The following RABGAP1 variants were observed in gnomAD, a reference collection of about 807,000 sequenced individuals.
RABGAP1 encodes the protein RAB GTPase activating protein 1, also known as rab GTPase-activating protein 1.
RABGAP1 carries 23 observed loss-of-function variants against 137.6 expected under a neutral mutation model. The observed-to-expected ratio is 0.17, with a 90% confidence interval of 0.12 to 0.24. The LOEUF (loss-of-function observed/expected upper bound fraction) is 0.24, where lower values mean the gene tolerates loss of function less well. RABGAP1 is among the 10% of genes least tolerant of loss of function. RABGAP1 has a pLI of 1.00. For synonymous variants in RABGAP1, 451 were observed against 450.7 expected (o/e 1.00, Z -0.01); for missense variants, 906 against 1,275.8 (o/e 0.71, Z 4.42).
upstream of RABGAP1, among the ~76,000 whole-genome samples, chr9:122,936,605 G>A (rs1833390933): frequency 6.6e-6 from 1 of 152,190 alleles, no homozygotes; most frequent in Non-Finnish European, 1.5e-5. Flanking sequence ...GGCTGGGTGG[G>A]CGATACGAAC....
chr9:122,935,188 A>C, the RABGAP1 span, among the ~76,000 whole-genome samples: 1 of 152,128 alleles, frequency 6.6e-6, no homozygotes, highest in Admixed American at 6.5e-5. Context: ...TACCATAGGT[A>C]TTACACTCAA....
chr9:122,962,417 A>G (rs1447097875), intron 2 of RABGAP1, among the ~76,000 whole-genome samples: 1 of 151,936 alleles, frequency 6.6e-6, no homozygotes, highest in Non-Finnish European at 1.5e-5. Context: ...GTGACTTGGG[A>G]GGCTGAGGTG....
At chr9:123,081,397 T>G (rs1218733102) in intron 19 of RABGAP1, among the ~76,000 whole-genome samples, 1 of 152,158 alleles carries the variant, frequency 6.6e-6, no homozygotes, top group Non-Finnish European at 1.5e-5. Flanking sequence ...TTGCCTCACA[T>G]GCCAGTCTAG....
intron 13 of RABGAP1, 112 bp downstream of exon 13, chr9:123,020,571 A>G: frequency 1.8e-6 from 2 of 1,103,750 alleles, no homozygotes; most frequent in Non-Finnish European, 2.4e-6. Context: ...TTATTTAAGA[A>G]TAGAACTGTT....
intron 4 of RABGAP1, among the ~76,000 whole-genome samples, chr9:122,988,394 G>A (rs928227255): frequency 2.6e-5 from 4 of 152,098 alleles, no homozygotes; most frequent in Non-Finnish European, 5.9e-5. Flanking sequence ...TCAGAGTCTG[G>A]AATGTTGTAG....
intron 6 of RABGAP1, among the ~76,000 whole-genome samples, chr9:122,993,725 G>A (rs867574764): frequency 6.6e-5 from 10 of 152,148 alleles, no homozygotes; most frequent in Non-Finnish European, 1.0e-4. Flanking sequence ...GTACAGTGGC[G>A]CAGTCTCGGC....
In RABGAP1 at chr9:123,010,374, G is replaced by C. The variant is rs933826836; in HGVS notation, c.1395G>C (p.Lys465Asn). Residue 465 changes from lysine to asparagine, a missense_variant, in exon 11 of 26, where the codon AAG (lysine) becomes AAC (asparagine). This residue lies in a region of RABGAP1 where 212 missense variants were observed against 289.4 expected (regional missense o/e 0.73). Coordinates refer to ENST00000373647, the MANE Select transcript of RABGAP1 (RefSeq NM_012197.4). The stretch of plus-strand genomic sequence containing the variant: ...TCAAGATAAAGCAAAGGGAGAGAAA[G>C]AATAATACTGACACTTTATATGAAG... ...KLKQIKQRER[K>N]NNTDTLYEVV... 1 of 1,612,612 alleles carries C rather than the reference G, an allele frequency of 6.2e-7. No homozygotes were observed. Among genetic ancestry groups the C allele is most frequent in the Non-Finnish European group, 8.5e-7 (1 of 1,178,906 alleles).
chr9:122,997,177 G>C, intron 8 of RABGAP1, 82 bp from the exon 9 acceptor site: 2 of 1,012,992 alleles, frequency 2.0e-6, no homozygotes, highest in Non-Finnish European at 1.5e-6. Context: ...TGCAGCTTCT[G>C]GTTTTTAAAG....
chr9:123,018,086 C>A (rs1243821508), intron 12 of RABGAP1, among the ~76,000 whole-genome samples: 1 of 152,138 alleles, frequency 6.6e-6, no homozygotes, highest in Non-Finnish European at 1.5e-5. Context: ...CTCTGCCCCC[C>A]GGGGTTCATG....
intron 14 of RABGAP1, 52 bp downstream of exon 14, chr9:123,065,513 T>G: frequency 7.8e-7 from 1 of 1,273,934 alleles, no homozygotes; most frequent in Non-Finnish European, 1.1e-6. Context: ...TGGTTCTACT[T>G]TGAAATTACA....
chr9:123,032,201 C>A (rs997912637), intron 13 of RABGAP1, among the ~76,000 whole-genome samples: 2 of 152,156 alleles, frequency 1.3e-5, no homozygotes, highest in Admixed American at 6.5e-5. Flanking sequence ...TTATATACCC[C>A]CTCTGTGCTA....
chr9:123,015,144 ACTC>A (rs1480930481), intron 11 of RABGAP1, among the ~76,000 whole-genome samples: 2 of 151,620 alleles, frequency 1.3e-5, no homozygotes, highest in East Asian at 1.9e-4. Flanking sequence ...ACCATTCTCT[ACTC>A]CTATTGTTGG....
intron 1 of RABGAP1, among the ~76,000 whole-genome samples, chr9:122,952,994 A>T (rs965490015): frequency 6.6e-6 from 1 of 152,244 alleles, no homozygotes; most frequent in Non-Finnish European, 1.5e-5. Context: ...TACATAAAGG[A>T]TATTTATTCA....
intron 10 of RABGAP1, among the ~76,000 whole-genome samples, chr9:123,003,089 T>G (rs919512831): frequency 6.6e-6 from 1 of 152,194 alleles, no homozygotes; most frequent in Non-Finnish European, 1.5e-5. Flanking sequence ...CTTAAAGCAT[T>G]TAGAACACTG....
rs759983305 is a variant in RABGAP1 at position 122,984,353 on chromosome 9, T to TA, written c.151-124dup. 5.7e-4 allele frequency: 443 copies of TA among 774,548 alleles called. 1 individual carries two copies. Among genetic ancestry groups the TA allele is most frequent in the Middle Eastern group, 7.9e-4 (3 of 3,796 alleles). The allele number at this position is 774,548 out of a possible 1,614,324, so 48.0% of individuals were successfully genotyped here. A position where few individuals can be genotyped will look rare whatever the true frequency, so the allele number is the denominator to read the frequency against. On this transcript the variant is annotated intron_variant, in intron 2 of 25. Transcript: ENST00000373647. ...TGCAGATCTTGATTTATTCTATTTT[T>TA]AAAAAAAACATTCAGAAGATATCTT... is the stretch of plus-strand genomic sequence containing the variant.
At chr9:122,953,233 A>G (rs1834345266) in intron 1 of RABGAP1, among the ~76,000 whole-genome samples, 1 of 152,196 alleles carries the variant, frequency 6.6e-6, no homozygotes, top group South Asian at 2.1e-4. Flanking sequence ...TTAGTTTTTG[A>G]AAAGCTGTAA....
chr9:123,063,111 T>C (rs1279997113), intron 13 of RABGAP1: 1 of 152,278 alleles, frequency 6.6e-6, no homozygotes, highest in Non-Finnish European at 1.5e-5. Context: ...CTCTAATAAC[T>C]GTATCCTTTT....
At chr9:123,076,821 G>T in intron 19 of RABGAP1, 59 bp downstream of exon 19, 1 of 1,270,842 alleles carries the variant, frequency 7.9e-7, no homozygotes, top group Non-Finnish European at 1.0e-6. Context: ...CACTATTCCT[G>T]ATCATTTATA....
chr9:123,089,760 T>C lies in RABGAP1; in HGVS notation c.2427T>C (p.Ile809=), dbSNP rs763877515. 3 of 1,610,062 alleles carry C rather than the reference T, an allele frequency of 1.9e-6. No individual in the cohort carries two copies. The highest frequency in any genetic ancestry group is 2.5e-6 in the Non-Finnish European group (3 of 1,177,164). Residue 809 remains isoleucine (I), a splice_region_variant and synonymous_variant, in exon 20 of 26, where the codon ATT becomes ATC. Coordinates refer to ENST00000373647, the MANE Select transcript of RABGAP1 (RefSeq NM_012197.4). ...TTACCCTATGATTTATCCTACAGAT[T>C]AGTCAGAAGAAGTTGAAAAAATACG... ...KLMELACNMK[I]SQKKLKKYEK... is the part of the protein sequence containing the mutation.
Sources: gnomAD v4.1 joint callset for allele counts (sites outside exome capture counted in the v4.1 genomes callset) on GRCh38, gnomAD v4.1.1 for gene constraint, gnomAD v4.1.1 regional missense constraint, MANE v1.5 for transcripts, NCBI Gene and HGNC (gene_info 2026-07-23, HGNC 2026-07-21) for gene names.